The following MIPEP variants were observed in gnomAD, a reference collection of about 807,000 sequenced individuals.
The protein encoded by MIPEP is mitochondrial intermediate peptidase.
In MIPEP, 79 loss-of-function variants were observed where a neutral mutation model predicts 90.3. The ratio of observed to expected loss-of-function variants is 0.87; its 90% CI spans 0.73 to 1.05. The LOEUF (loss-of-function observed/expected upper bound fraction) is 1.05. Among genes scored for constraint, MIPEP ranks in the 50% least tolerant of loss-of-function variants. MIPEP has a pLI of 0.00. For synonymous variants in MIPEP, 334 were observed against 315.8 expected (o/e 1.06, Z -0.61); for missense variants, 940 against 905.6 (o/e 1.04, Z -0.49).
intron 14 of MIPEP, among the ~76,000 whole-genome samples, chr13:23,828,057 C>G (rs1868551427): frequency 1.3e-5 from 2 of 152,204 alleles, no homozygotes; most frequent in African/African-American, 2.4e-5. Context: ...CATTAACATT[C>G]ACTACATTAA....
intron 14 of MIPEP, among the ~76,000 whole-genome samples, chr13:23,826,909 G>A (rs1868478186): frequency 6.6e-6 from 1 of 152,058 alleles, no homozygotes; most frequent in Non-Finnish European, 1.5e-5. Flanking sequence ...AAAAATATTT[G>A]GAAAAAAACT....
intron 14 of MIPEP, among the ~76,000 whole-genome samples, chr13:23,833,076 G>C (rs1868849376): frequency 6.6e-6 from 1 of 152,082 alleles, no homozygotes; most frequent in East Asian, 1.9e-4. Context: ...ATTTCATAAT[G>C]TTAAAAAAAT....
chr13:23,817,930 C>T (rs1953260176), intron 14 of MIPEP, among the ~76,000 whole-genome samples: 1 of 151,936 alleles, frequency 6.6e-6, no homozygotes, highest in Non-Finnish European at 1.5e-5. Flanking sequence ...AATTAGCATA[C>T]AATTGATAGA....
intron 15 of MIPEP, among the ~76,000 whole-genome samples, chr13:23,806,461 A>G (rs1953108209): frequency 6.6e-6 from 1 of 152,146 alleles, no homozygotes; most frequent in Non-Finnish European, 1.5e-5. Flanking sequence ...GAGGATCACG[A>G]GGTCAGGAGA....
intron 7 of MIPEP, among the ~76,000 whole-genome samples, chr13:23,865,381 C>A (rs549312848): frequency 9.2e-4 from 140 of 152,174 alleles, no homozygotes; most frequent in Non-Finnish European, 1.8e-3. Flanking sequence ...AAACCCAAAC[C>A]ATGAGGTTTC....
chr13:23,754,620 G>A (rs953742373), intron 18 of MIPEP, among the ~76,000 whole-genome samples: 3 of 152,144 alleles, frequency 2.0e-5, no homozygotes, highest in African/African-American at 7.2e-5. Context: ...AAGCACACCA[G>A]CCAAAAGATA....
At chr13:23,731,555 A>G (rs1315854000) in intron 18 of MIPEP, among the ~76,000 whole-genome samples, 1 of 152,234 alleles carries the variant, frequency 6.6e-6, no homozygotes, top group Non-Finnish European at 1.5e-5. Flanking sequence ...AAAAAACCGC[A>G]TGAAGTATCT....
intron 16 of MIPEP, among the ~76,000 whole-genome samples, chr13:23,761,124 ATTC>A (rs1952537935): frequency 6.6e-6 from 1 of 151,318 alleles, no homozygotes; most frequent in Admixed American, 6.6e-5. Context: ...CTGGGAATGC[ATTC>A]TTTTTTTTTT....
At chr13:23,773,507 G>A (rs1952677206) in intron 16 of MIPEP, among the ~76,000 whole-genome samples, 1 of 152,112 alleles carries the variant, frequency 6.6e-6, no homozygotes. Flanking sequence ...GGGCCATCTG[G>A]TAACTCTGTT....
intron 14 of MIPEP, 126 bp downstream of exon 14, chr13:23,836,114 C>T: frequency 1.8e-6 from 1 of 549,930 alleles, no homozygotes; most frequent in Non-Finnish European, 3.2e-6. Context: ...AAAAAAGAAG[C>T]AATAAAAGGT....
chr13:23,824,914 G>C lies in MIPEP; in HGVS notation c.1653+11326C>G, dbSNP rs578241211. On this transcript the variant is annotated intron_variant, in intron 14 of 18. Transcript: ENST00000382172. ...AAAGAAACATAGGTCAGATGGCTTT[G>C]AGTTTTGCAGGGTTCAACACTAAAC... is the stretch of plus-strand genomic sequence containing the variant. Among the ~76,000 whole-genome samples, 6 of 152,300 alleles carry C rather than the reference G, an allele frequency of 3.9e-5. No homozygotes were observed. The South Asian group carries it at 1.2e-3, about 32-fold the overall frequency.
chr13:23,765,652 C>T (rs1256938458), intron 16 of MIPEP, among the ~76,000 whole-genome samples: 1 of 152,152 alleles, frequency 6.6e-6, no homozygotes, highest in Admixed American at 6.6e-5. Context: ...ACATATTGTG[C>T]CCATGTCTGG....
intron 10 of MIPEP, among the ~76,000 whole-genome samples, chr13:23,847,891 C>T (rs1869619237): frequency 6.6e-6 from 1 of 152,152 alleles, no homozygotes; most frequent in Non-Finnish European, 1.5e-5. Context: ...ATTTACAAAG[C>T]ACTTTCACAT....
Position 23,793,183 on chromosome 13 carries a change from T to C in MIPEP, c.1848+12767A>G, listed in dbSNP as rs114774670. Among the ~76,000 whole-genome samples the C allele has an allele frequency of 2.4e-3, 358 of 152,310 alleles. 1 individual carries two copies. The highest frequency in any genetic ancestry group is 8.0e-3 in the African/African-American group (334 of 41,562). On this transcript the variant is annotated intron_variant, in intron 16 of 18. Coordinates refer to ENST00000382172, the MANE Select transcript of MIPEP (RefSeq NM_005932.4). ...AGCCCCAAACTGGAAATAACTCAAATGTCCATCAGTAGTGGAACAGATAAA... is the reference window on the plus strand; with the variant it reads ...AGCCCCAAACTGGAAATAACTCAAACGTCCATCAGTAGTGGAACAGATAAA...
intron 16 of MIPEP, among the ~76,000 whole-genome samples, chr13:23,781,152 T>C (rs1952778528): frequency 6.6e-6 from 1 of 151,978 alleles, no homozygotes; most frequent in Non-Finnish European, 1.5e-5. Flanking sequence ...CACATAATTA[T>C]CAGATTCACC....
chr13:23,829,696 A>T (rs1431492363), intron 14 of MIPEP, among the ~76,000 whole-genome samples: 1 of 152,150 alleles, frequency 6.6e-6, no homozygotes, highest in Non-Finnish European at 1.5e-5. Flanking sequence ...AGTCCCAGCT[A>T]CTTGGGTGGC....
intron 11 of MIPEP, among the ~76,000 whole-genome samples, 181 bp downstream of exon 11, chr13:23,841,154 G>C (rs936716499): frequency 6.6e-6 from 1 of 152,138 alleles, no homozygotes; most frequent in African/African-American, 2.4e-5. Context: ...TTTTATGTTT[G>C]GATCCTTTAT....
chr13:23,870,205 G>T lies in MIPEP; in HGVS notation c.604-10C>A. The T allele has an allele frequency of 1.3e-6, 2 of 1,511,750 alleles. No homozygotes were observed. The highest frequency in any genetic ancestry group is 1.8e-6 in the Non-Finnish European group (2 of 1,127,008). The allele number at this position is 1,511,750 out of a possible 1,614,324, so 93.6% of individuals were successfully genotyped here. A position where few individuals can be genotyped will look rare whatever the true frequency, so the allele number is the denominator to read the frequency against. ...CCACTGCTCTTTTACGCTGTATGCA[G>T]GAGGAGTAAAAGTTATTTAAAGGCG... On this transcript the variant is annotated splice_polypyrimidine_tract_variant and intron_variant, in intron 5 of 18. Transcript: ENST00000382172.
chr13:23,750,472 T>C (rs936798840), intron 18 of MIPEP, among the ~76,000 whole-genome samples: 2 of 152,220 alleles, frequency 1.3e-5, no homozygotes, highest in Non-Finnish European at 2.9e-5. Flanking sequence ...TTGGTGTGTC[T>C]GGCATTTTTC....
Sources: allele counts gnomAD v4.1 joint callset (sites outside exome capture counted in the v4.1 genomes callset), GRCh38; gene constraint gnomAD v4.1.1; transcripts MANE v1.5; gene names NCBI Gene and HGNC (gene_info 2026-07-23, HGNC 2026-07-21).